GALNTL6: variants seen among roughly 807,000 people sequenced by gnomAD.
GALNTL6 encodes the protein polypeptide N-acetylgalactosaminyltransferase like 6, also known as polypeptide N-acetylgalactosaminyltransferase-like 6.
A neutral mutation model predicts 73.7 loss-of-function variants in GALNTL6; 46 were observed. The ratio of observed to expected loss-of-function variants is 0.62; its 90% CI spans 0.49 to 0.80. GALNTL6 has a LOEUF of 0.80. GALNTL6 is among the 30% of genes least tolerant of loss of function. The probability of loss-of-function intolerance (pLI) is 0.00; values close to 1 mark genes in which losing one functional copy is unlikely to be tolerated. For missense variants in GALNTL6, 604 were observed against 755.0 expected, an observed-to-expected ratio of 0.80 and a Z score of 2.34; for synonymous variants, 259 against 263.7, an observed-to-expected ratio of 0.98 and a Z score of 0.17.
chr4:171,851,899 G>C (rs1033284177), intron 2 of GALNTL6, among the ~76,000 whole-genome samples: 1 of 152,202 alleles, frequency 6.6e-6, no homozygotes, highest in Admixed American at 6.5e-5. Context: ...ATAAACTCTT[G>C]TTGACTGTTC....
At chr4:172,058,004 T>C (rs550113011) in intron 2 of GALNTL6, among the ~76,000 whole-genome samples, 1 of 152,200 alleles carries the variant, frequency 6.6e-6, no homozygotes, top group African/African-American at 2.4e-5. Flanking sequence ...CTCCATGTTA[T>C]ACTCCATGGC....
chr4:172,907,599 C>A (rs1746969917), intron 8 of GALNTL6, among the ~76,000 whole-genome samples: 1 of 152,196 alleles, frequency 6.6e-6, no homozygotes, highest in Non-Finnish European at 1.5e-5. Context: ...GGATACATTC[C>A]AAGACCCCAA....
At chr4:172,151,508 A>G in intron 2 of GALNTL6, among the ~76,000 whole-genome samples, 1 of 152,222 alleles carries the variant, frequency 6.6e-6, no homozygotes, top group East Asian at 1.9e-4. Flanking sequence ...TTACACATGA[A>G]GACTTTCAGT....
chr4:172,426,555 G>A (rs1349828757), intron 5 of GALNTL6, among the ~76,000 whole-genome samples: 1 of 152,056 alleles, frequency 6.6e-6, no homozygotes, highest in African/African-American at 2.4e-5. Flanking sequence ...GCAAAATAGA[G>A]AGGCAGGACA....
intron 5 of GALNTL6, among the ~76,000 whole-genome samples, chr4:172,443,965 A>C (rs1219399218): frequency 6.6e-6 from 1 of 152,174 alleles, no homozygotes; most frequent in East Asian, 1.9e-4. Context: ...ATTTTAGATA[A>C]ATCACCTTGG....
intron 6 of GALNTL6, among the ~76,000 whole-genome samples, chr4:172,812,732 A>T (rs1188450630): frequency 6.6e-6 from 1 of 152,216 alleles, no homozygotes. Context: ...AAAGCTGCAT[A>T]ACCCTTAACA....
chr4:172,342,201 C>T (rs1741592469), intron 4 of GALNTL6, among the ~76,000 whole-genome samples: 1 of 151,776 alleles, frequency 6.6e-6, no homozygotes, highest in African/African-American at 2.4e-5. Context: ...CTCACAAAAA[C>T]GTTTGAGCTA....
chr4:172,515,821 A>C (rs1283240771), intron 5 of GALNTL6, among the ~76,000 whole-genome samples: 1 of 152,196 alleles, frequency 6.6e-6, no homozygotes, highest in African/African-American at 2.4e-5. Context: ...TTAGGGCCTC[A>C]GTTCTGAAGG....
Position 172,243,872 on chromosome 4 carries a change from T to C in GALNTL6, c.247+14108T>C, listed in dbSNP as rs533386580. Reference sequence around the variant, plus strand: ...AATGAGAAGCAGAAATGTGCACCATTTGGGTGAGACTGACTATATTGCCTT... The same window carrying C: ...AATGAGAAGCAGAAATGTGCACCATCTGGGTGAGACTGACTATATTGCCTT... On this transcript the variant is annotated intron_variant, in intron 3 of 12. Coordinates refer to ENST00000506823, the MANE Select transcript of GALNTL6 (RefSeq NM_001034845.3). 5.2e-4 allele frequency among the ~76,000 whole-genome samples: 79 copies of C among 152,264 alleles called. 1 individual carries two copies. The highest frequency in any genetic ancestry group is 1.9e-3 in the African/African-American group (79 of 41,580).
At chr4:172,366,307 T>G (rs1226391458) in intron 5 of GALNTL6, among the ~76,000 whole-genome samples, 1 of 152,218 alleles carries the variant, frequency 6.6e-6, no homozygotes. Context: ...TGTGTATAGA[T>G]CTGTATAAAT....
At chr4:171,909,837 A>G (rs1359896186) in intron 2 of GALNTL6, among the ~76,000 whole-genome samples, 1 of 152,166 alleles carries the variant, frequency 6.6e-6, no homozygotes, top group Non-Finnish European at 1.5e-5. Context: ...ATATCTTGTA[A>G]GTGTTCAGTA....
intron 2 of GALNTL6, among the ~76,000 whole-genome samples, chr4:172,001,967 C>A (rs962098656): frequency 1.1e-4 from 16 of 152,166 alleles, no homozygotes; most frequent in African/African-American, 3.6e-4. Context: ...CTCTCCCTAA[C>A]TGCAACAGAC....
intron 5 of GALNTL6, among the ~76,000 whole-genome samples, chr4:172,503,842 T>A: frequency 6.6e-6 from 1 of 151,962 alleles, no homozygotes; most frequent in South Asian, 2.1e-4. Context: ...GAAAATTTGA[T>A]CATTAAAAGG....
At chr4:172,138,995 A>G (rs1361559975) in intron 2 of GALNTL6, among the ~76,000 whole-genome samples, 2 of 152,162 alleles carry the variant, frequency 1.3e-5, no homozygotes, top group East Asian at 1.9e-4. Context: ...TCTATCTTGT[A>G]TATAACCGAA....
At chr4:172,027,329 A>G (rs1194352151) in intron 2 of GALNTL6, among the ~76,000 whole-genome samples, 1 of 152,198 alleles carries the variant, frequency 6.6e-6, no homozygotes, top group African/African-American at 2.4e-5. Flanking sequence ...TCTGAGTCAC[A>G]TTTTGATAAT....
intron 3 of GALNTL6, among the ~76,000 whole-genome samples, chr4:172,240,404 G>A (rs1262698345): frequency 6.9e-6 from 1 of 145,522 alleles, no homozygotes; most frequent in Non-Finnish European, 1.5e-5. Context: ...TTTTTTTTTT[G>A]TATTTTTTAG....
intron 8 of GALNTL6, among the ~76,000 whole-genome samples, chr4:172,908,441 A>G (rs577854383): frequency 6.6e-6 from 1 of 152,236 alleles, no homozygotes; most frequent in African/African-American, 2.4e-5. Flanking sequence ...ATAGTAGGCA[A>G]TGCAGTTAGA....
At chr4:172,807,799 C>T (rs973234876) in intron 5 of GALNTL6, among the ~76,000 whole-genome samples, 39 of 152,058 alleles carry the variant, frequency 2.6e-4, no homozygotes, top group Non-Finnish European at 5.6e-4. Context: ...CGTGGAAAAT[C>T]CCATCTGTAT....
chr4:172,664,758 C>T (rs924607202), intron 5 of GALNTL6, among the ~76,000 whole-genome samples: 3 of 152,112 alleles, frequency 2.0e-5, no homozygotes, highest in Admixed American at 1.3e-4. Flanking sequence ...ACAAATTGGC[C>T]GGTTCTTTTG....
Sources: allele counts gnomAD v4.1 joint callset (sites outside exome capture counted in the v4.1 genomes callset), GRCh38; gene constraint gnomAD v4.1.1; transcripts MANE v1.5; gene names NCBI Gene and HGNC (gene_info 2026-07-23, HGNC 2026-07-21).